EIF3H: variants seen among roughly 807,000 people sequenced by gnomAD.
EIF3H encodes the protein eIF-3-gamma.
EIF3H carries 26 observed loss-of-function variants against 44.2 expected under a neutral mutation model. The ratio of observed to expected loss-of-function variants is 0.59; its 90% confidence interval spans 0.43 to 0.82. The LOEUF is 0.82. EIF3H is among the 40% of genes least tolerant of loss of function. EIF3H has a pLI of 0.00. For synonymous variants in EIF3H, 166 were observed against 151.9 expected (o/e 1.09, Z -0.68); for missense variants, 359 against 432.8 (o/e 0.83, Z 1.51).
chr8:116,691,331 A>G (rs923420911), intron 2 of EIF3H, among the ~76,000 whole-genome samples: 5 of 152,148 alleles, frequency 3.3e-5, no homozygotes, highest in Non-Finnish European at 5.9e-5. Context: ...TCACTCCCCA[A>G]GCTCCTACAA....
chr8:116,649,756 T>C (rs891247008), intron 5 of EIF3H, among the ~76,000 whole-genome samples: 2 of 152,240 alleles, frequency 1.3e-5, no homozygotes, highest in East Asian at 1.9e-4. Context: ...ATACATGTTC[T>C]ATATCTTCAT....
chr8:116,732,036 T>C (rs188898757), intron 1 of EIF3H, among the ~76,000 whole-genome samples: 3 of 152,302 alleles, frequency 2.0e-5, no homozygotes, highest in Admixed American at 6.5e-5. Flanking sequence ...CAGTCTCAAG[T>C]TGGGCAGATC....
intron 2 of EIF3H, among the ~76,000 whole-genome samples, chr8:116,666,753 C>CAA (rs56700266): frequency 0.01 from 740 of 71,416 alleles, 109 homozygotes; most frequent in African/African-American, 0.045. Context: ...TAGTGTTAGG[C>CAA]AAAAAAAAAA....
chr8:116,727,954 CAT>C (rs1235296265), intron 1 of EIF3H, among the ~76,000 whole-genome samples: 47 of 152,150 alleles, frequency 3.1e-4, no homozygotes, highest in African/African-American at 9.9e-4. Flanking sequence ...AGCTTACTAA[CAT>C]GTGAAGATAC....
intron 2 of EIF3H, among the ~76,000 whole-genome samples, chr8:116,715,385 T>A (rs964950024): frequency 1.3e-5 from 2 of 152,170 alleles, no homozygotes; most frequent in Non-Finnish European, 2.9e-5. Context: ...TATCACTACA[T>A]TGTGAACTAT....
intron 2 of EIF3H, among the ~76,000 whole-genome samples, chr8:116,682,053 CATA>C (rs1289835051): frequency 7.2e-5 from 11 of 152,192 alleles, no homozygotes; most frequent in African/African-American, 2.2e-4. Flanking sequence ...GACAGAAAAT[CATA>C]ATGTCAATAG....
chr8:116,706,721 T>C lies in EIF3H; in HGVS notation c.289+19295A>G, dbSNP rs141710555. Among the ~76,000 whole-genome samples, 617 of 151,518 alleles carry C rather than the reference T, an allele frequency of 4.1e-3. 6 individuals carry two copies. The highest frequency in any genetic ancestry group is 0.014 in the African/African-American group (583 of 40,978). The stretch of plus-strand genomic sequence containing the variant: ...GGCTAATTTTTGTATTTTTAAAAGA[T>C]GGAGTTTCACCAAGGGTTTTGACAT... On this transcript the variant is annotated intron_variant, in intron 2 of 7. Coordinates refer to ENST00000521861, the MANE Select transcript of EIF3H (RefSeq NM_003756.3).
At chr8:116,750,777 G>A (rs1815323692) in intron 1 of EIF3H, among the ~76,000 whole-genome samples, 1 of 151,996 alleles carries the variant, frequency 6.6e-6, no homozygotes, top group Admixed American at 6.6e-5. Context: ...TTCCTACAAA[G>A]CTTGGAAAGA....
chr8:116,732,806 A>G (rs552189960), intron 1 of EIF3H, among the ~76,000 whole-genome samples: 1 of 152,326 alleles, frequency 6.6e-6, no homozygotes, highest in East Asian at 1.9e-4. Context: ...GCAAGTCTCA[A>G]ACACACTGTT....
chr8:116,746,779 C>A (rs2130977167), intron 1 of EIF3H, among the ~76,000 whole-genome samples: 1 of 152,246 alleles, frequency 6.6e-6, no homozygotes, highest in South Asian at 2.1e-4. Context: ...ACTAAGCAAT[C>A]AAAATGTCAG....
At chr8:116,752,827 AGGAAAGAG>A (rs1815381581) in intron 1 of EIF3H, among the ~76,000 whole-genome samples, 1 of 141,820 alleles carries the variant, frequency 7.1e-6, no homozygotes, top group East Asian at 2.1e-4. Context: ...GAAGGAAGGA[AGGAAAGAG>A]AGAGAGAAAA....
chr8:116,694,473 G>A (rs1296553113), intron 2 of EIF3H, among the ~76,000 whole-genome samples: 1 of 152,064 alleles, frequency 6.6e-6, no homozygotes, highest in East Asian at 1.9e-4. Flanking sequence ...TTCTCAATTT[G>A]ATTAGTAAAA....
At chr8:116,661,107 TCTC>T (rs1290388835) in intron 2 of EIF3H, among the ~76,000 whole-genome samples, 1 of 152,222 alleles carries the variant, frequency 6.6e-6, no homozygotes, top group African/African-American at 2.4e-5. Context: ...ACTGCTATGA[TCTC>T]CTTCTGTTTC....
At chr8:116,734,732 G>GT (rs199893930) in intron 1 of EIF3H, among the ~76,000 whole-genome samples, 1,551 of 152,160 alleles carry the variant, frequency 0.01, 26 homozygotes, top group African/African-American at 0.035. Context: ...AGTTTGTTCT[G>GT]TATTTCTAGT....
intron 2 of EIF3H, among the ~76,000 whole-genome samples, chr8:116,707,243 G>A (rs190128946): frequency 5.1e-4 from 78 of 152,244 alleles, no homozygotes; most frequent in African/African-American, 1.7e-3. Context: ...GTCCACATAC[G>A]TATTACACTG....
chr8:116,669,518 C>G (rs1411148606), intron 2 of EIF3H, among the ~76,000 whole-genome samples: 2 of 152,126 alleles, frequency 1.3e-5, no homozygotes, highest in African/African-American at 4.8e-5. Flanking sequence ...AAACTGCCCA[C>G]CCAAGTGAAT....
At chr8:116,755,635 C>A (rs535665223) in intron 1 of EIF3H, 31 bp downstream of exon 1, 1 of 1,613,080 alleles carries the variant, frequency 6.2e-7, no homozygotes, top group African/African-American at 1.3e-5. Context: ...GCGCTCCCCA[C>A]GTGGGCCAGA....
chr8:116,728,255 A>C (rs138799902), intron 1 of EIF3H, among the ~76,000 whole-genome samples: 1 of 145,804 alleles, frequency 6.9e-6, no homozygotes, highest in African/African-American at 2.6e-5. Context: ...CCTATCATGT[A>C]ATTCTCACAA....
chr8:116,691,135 A>T (rs1046248772), intron 2 of EIF3H, among the ~76,000 whole-genome samples: 4 of 152,254 alleles, frequency 2.6e-5, no homozygotes, highest in African/African-American at 9.6e-5. Flanking sequence ...CAATGAGAGC[A>T]AACATTGGTT....
Sources: allele counts gnomAD v4.1 joint callset (sites outside exome capture counted in the v4.1 genomes callset), GRCh38; gene constraint gnomAD v4.1.1; transcripts MANE v1.5; gene names NCBI Gene and HGNC (gene_info 2026-07-23, HGNC 2026-07-21).